The following MYO5A variants were observed in gnomAD, a reference collection of about 807,000 sequenced individuals.
The protein encoded by MYO5A is unconventional myosin-Va.
In MYO5A, 98 loss-of-function variants were observed where a neutral mutation model predicts 249.7. The observed-to-expected ratio is 0.39, with a 90% CI of 0.33 to 0.46. The LOEUF (loss-of-function observed/expected upper bound fraction) is 0.46. MYO5A is among the 20% of genes least tolerant of loss of function. The pLI is 0.98. For missense variants in MYO5A, 1,696 were observed against 2,308.8 expected, an observed-to-expected ratio of 0.73 and a Z score of 5.44; for synonymous variants, 778 against 810.6, an observed-to-expected ratio of 0.96 and a Z score of 0.68.
At chr15:52,520,571 C>T (rs367905450) in intron 1 of MYO5A, among the ~76,000 whole-genome samples, 5 of 152,204 alleles carry the variant, frequency 3.3e-5, no homozygotes, top group South Asian at 4.1e-4. Context: ...GCCTTGATTC[C>T]AGCCATGCCT....
chr15:52,481,962 T>C (rs1245249565), intron 1 of MYO5A, among the ~76,000 whole-genome samples: 3 of 152,232 alleles, frequency 2.0e-5, no homozygotes, highest in Non-Finnish European at 4.4e-5. Context: ...AGTATTATTC[T>C]ACATCAGTAG....
rs11280608 is a variant in MYO5A at position 52,381,782 on chromosome 15, T to TCTCACACACACA, written c.2012+1308_2012+1309insTGTGTGTGTGAG. Among the ~76,000 whole-genome samples the TCTCACACACACA allele has an allele frequency of 1.8e-3, 245 of 137,864 alleles. 1 individual carries two copies. The highest frequency in any genetic ancestry group is 3.6e-3 in the Middle Eastern group (1 of 278). 90.4% of individuals were successfully genotyped at this position (137,864 alleles called of 152,430 possible). On this transcript the variant is annotated intron_variant, in intron 16 of 41. Coordinates refer to ENST00000399233, the MANE Select transcript of MYO5A (RefSeq NM_001382347.1). ...TTTTGTGTCTCTCTCTCTCTCTCTCTCACACACACACACACACACACACAC... is the reference window on the plus strand; with the variant it reads ...TTTTGTGTCTCTCTCTCTCTCTCTCTCTCACACACACACACACACACACACACACACACACAC...
chr15:52,510,204 CT>C (rs2077361825), intron 1 of MYO5A, among the ~76,000 whole-genome samples: 2 of 152,176 alleles, frequency 1.3e-5, no homozygotes, highest in African/African-American at 2.4e-5. Flanking sequence ...CAATTTCAAA[CT>C]TAGAAAACTT....
At chr15:52,431,819 C>T (rs1277606034) in intron 2 of MYO5A, among the ~76,000 whole-genome samples, 1 of 151,922 alleles carries the variant, frequency 6.6e-6, no homozygotes, top group African/African-American at 2.4e-5. Context: ...GACTCCATCT[C>T]TACTAAAAAA....
intron 16 of MYO5A, among the ~76,000 whole-genome samples, chr15:52,382,052 G>A (rs1020749038): frequency 3.3e-5 from 5 of 151,830 alleles, no homozygotes; most frequent in Non-Finnish European, 4.4e-5. Context: ...ACAGGCGCCC[G>A]CCACTACACC....
intron 1 of MYO5A, among the ~76,000 whole-genome samples, chr15:52,481,338 T>G (rs1234489655): frequency 6.6e-6 from 1 of 152,258 alleles, no homozygotes; most frequent in African/African-American, 2.4e-5. Flanking sequence ...CTATTTTACT[T>G]TATACCCTAA....
intron 1 of MYO5A, 128 bp from the exon 2 acceptor site, chr15:52,433,413 CTTTTTTTT>C (rs151276395): frequency 7.6e-4 from 210 of 275,414 alleles, no homozygotes; most frequent in East Asian, 4.1e-3. Flanking sequence ...ATGAAATTCA[CTTTTTTTT>C]TTTTTTTTTT....
At chr15:52,415,897 T>C (rs2141251712) in intron 5 of MYO5A, 1 of 511,896 alleles carries the variant, frequency 2.0e-6, no homozygotes, top group Admixed American at 3.3e-5. Flanking sequence ...GCAACAATTT[T>C]GCTGGTAGGT....
rs369432895 is a variant in MYO5A at position 52,392,068 on chromosome 15, A to G, written c.1404T>C (p.His468=). Residue 468 remains histidine, a splice_region_variant and synonymous_variant, in exon 12 of 42, where the codon CAT becomes CAC. Coordinates refer to ENST00000399233, the MANE Select transcript of MYO5A (RefSeq NM_001382347.1). ...ATTCTTCTTGCTCCAATTTGAAGAC[A>G]TGCTGAAATGAAAAAGAAAAAAAGC... is the stretch of plus-strand genomic sequence containing the variant. ...NEKLQQQFNM[H]VFKLEQEEYM... is the part of the protein sequence containing the mutation. The G allele has an allele frequency of 5.6e-6, 9 of 1,610,310 alleles. No individual in the cohort carries two copies. The highest frequency in any genetic ancestry group is 7.6e-6 in the Non-Finnish European group (9 of 1,178,772).
chr15:52,528,741 A>C, intron 1 of MYO5A, 39 bp downstream of exon 1: 1 of 1,495,552 alleles, frequency 6.7e-7, no homozygotes, highest in African/African-American at 1.5e-5. Flanking sequence ...CGAGGGCCGC[A>C]CAGCCCCAGT....
intron 29 of MYO5A, among the ~76,000 whole-genome samples, chr15:52,347,351 C>T (rs751656488): frequency 6.6e-6 from 1 of 152,090 alleles, no homozygotes; most frequent in Non-Finnish European, 1.5e-5. Flanking sequence ...AAAAAAGAAA[C>T]CCTGCTGTGT....
intron 1 of MYO5A, among the ~76,000 whole-genome samples, chr15:52,459,476 G>A (rs1027800564): frequency 6.6e-6 from 1 of 152,064 alleles, no homozygotes; most frequent in South Asian, 2.1e-4. Flanking sequence ...CAGAGAGCAC[G>A]GGGTTGGCGG....
rs1469815332 is a variant in MYO5A, at chr15:52,517,779, TAA to T, written c.27+10999_27+11000del. ...TGATATAAATTCTCACAATACATAT[TAA>T]GTTTAAAAATCATTTTAAAAATCAT... is the stretch of plus-strand genomic sequence containing the variant. On this transcript the variant is annotated intron_variant, in intron 1 of 41. Transcript: ENST00000399233. 7.9e-5 allele frequency among the ~76,000 whole-genome samples: 12 copies of T among 152,314 alleles called. No homozygotes were observed. The East Asian group carries it at 2.3e-3, about 29-fold the overall frequency.
Position 52,501,806 on chromosome 15 carries a change from A to G in MYO5A, c.27+26974T>C, listed in dbSNP as rs2077162607. Among the ~76,000 whole-genome samples the G allele has an allele frequency of 3.9e-5, 6 of 151,972 alleles. No homozygotes were observed. The South Asian group carries it at 1.2e-3, about 32-fold the overall frequency. On this transcript the variant is annotated intron_variant, in intron 1 of 41. Transcript: ENST00000399233. ...GCCCACAGAAAAAAATATTTTAAGC[A>G]GTCTAAACAGTCTAGTATAAACTTC...
intron 1 of MYO5A, among the ~76,000 whole-genome samples, chr15:52,465,773 T>C (rs906823510): frequency 6.6e-6 from 1 of 152,170 alleles, no homozygotes; most frequent in Non-Finnish European, 1.5e-5. Flanking sequence ...GAGGCTTTTC[T>C]AGCACACTTC....
At chr15:52,466,360 C>A (rs929285310) in intron 1 of MYO5A, among the ~76,000 whole-genome samples, 1 of 151,994 alleles carries the variant, frequency 6.6e-6, no homozygotes, top group Non-Finnish European at 1.5e-5. Context: ...AAACTGGGCT[C>A]CCCCCAACCC....
At chr15:52,405,177 G>T in intron 9 of MYO5A, 110 bp downstream of exon 9, 1 of 811,572 alleles carries the variant, frequency 1.2e-6, no homozygotes, top group Admixed American at 2.0e-5. Flanking sequence ...TGATAATTAT[G>T]TTTCTGATAA....
chr15:52,318,491 A>G (rs1181177467), intron 39 of MYO5A, among the ~76,000 whole-genome samples: 2 of 151,908 alleles, frequency 1.3e-5, no homozygotes, highest in African/African-American at 4.8e-5. Flanking sequence ...TTGCAAAAAA[A>G]TTATGTTACA....
chr15:52,492,694 T>C (rs2076958185), intron 1 of MYO5A, among the ~76,000 whole-genome samples: 2 of 152,212 alleles, frequency 1.3e-5, no homozygotes, highest in African/African-American at 4.8e-5. Context: ...TGCTATGCTC[T>C]TTTCTGCACA....
Sources: gnomAD v4.1 joint callset for allele counts (sites outside exome capture counted in the v4.1 genomes callset) on GRCh38, gnomAD v4.1.1 for gene constraint, MANE v1.5 for transcripts, NCBI Gene and HGNC (gene_info 2026-07-23, HGNC 2026-07-21) for gene names.